Variants in PTPRE observed in about 807,000 individuals in gnomAD.
The protein encoded by PTPRE is receptor-type tyrosine-protein phosphatase epsilon.
PTPRE carries 51 observed loss-of-function variants against 102.0 expected under a neutral mutation model. The ratio of observed to expected loss-of-function variants is 0.50; its 90% confidence interval spans 0.40 to 0.63. The LOEUF is 0.63. Among genes scored for constraint, PTPRE ranks in the 30% least tolerant of loss-of-function variants. PTPRE has a pLI of 0.00. For synonymous variants in PTPRE, 345 were observed against 348.2 expected, an observed-to-expected ratio of 0.99 and a Z score of 0.10; for missense variants, 752 against 915.1, an observed-to-expected ratio of 0.82 and a Z score of 2.30.
chr10:128,065,981 TGG>T (rs1850052085), intron 10 of PTPRE, 92 bp from the exon 11 acceptor site: 37 of 1,560,942 alleles, frequency 2.4e-5, no homozygotes, highest in Non-Finnish European at 3.2e-5. Context: ...TGACTCCAGC[TGG>T]TGTGTGTGAG....
chr10:128,081,151 A>C (rs1162621334), intron 20 of PTPRE, among the ~76,000 whole-genome samples: 1 of 31,464 alleles, frequency 3.2e-5, no homozygotes, highest in South Asian at 1.2e-3. Flanking sequence ...GATTTTGGCA[A>C]AAAAAAAACA....
At chr10:127,963,445 G>A (rs1416945604) in intron 1 of PTPRE, among the ~76,000 whole-genome samples, 1 of 152,202 alleles carries the variant, frequency 6.6e-6, no homozygotes, top group East Asian at 1.9e-4. Flanking sequence ...TGGCTTCTGG[G>A]TGGATGCATC....
intron 1 of PTPRE, 91 bp from the exon 2 acceptor site, chr10:127,982,183 G>C: frequency 1.3e-6 from 1 of 757,350 alleles, no homozygotes; most frequent in South Asian, 1.6e-5. Context: ...TGGGATAGTC[G>C]ACTAGTGCTG....
intron 4 of PTPRE, 127 bp from the exon 5 acceptor site, chr10:128,047,637 C>T (rs756524907): frequency 1.5e-5 from 25 of 1,614,118 alleles, no homozygotes; most frequent in South Asian, 3.3e-5. Context: ...CAGGCCTTAG[C>T]GCGGCTCAGC....
chr10:127,974,432 TTTC>T (rs1361765058), intron 1 of PTPRE, among the ~76,000 whole-genome samples: 11 of 152,176 alleles, frequency 7.2e-5, no homozygotes, highest in African/African-American at 2.7e-4. Flanking sequence ...TCCTGGGAAT[TTTC>T]TTCTTGAGAA....
Position 128,077,753 on chromosome 10 carries a change from C to T in PTPRE, c.1862C>T (p.Thr621Ile), listed in dbSNP as rs1590249355. ...IAAVQKQQQQTGNHPITVHCS... is the reference protein window; with the variant it reads ...IAAVQKQQQQIGNHPITVHCS... ...GCCGTGCAGAAGCAGCAGCAGCAGA[C>T]AGGCAACCACCCCATCACCGTGCAC... The change falls in exon 19 of 21, where the codon ACA (threonine) becomes ATA (isoleucine). Residue 621 changes from threonine to isoleucine, a missense_variant. This residue lies in a region of PTPRE where 636 missense variants were observed against 824.4 expected (regional missense o/e 0.77). Coordinates refer to ENST00000254667, the MANE Select transcript of PTPRE (RefSeq NM_006504.6). The T allele has an allele frequency of 6.2e-7, 1 of 1,607,230 alleles. No individual in the cohort carries two copies. Among genetic ancestry groups the T allele is most frequent in the Non-Finnish European group, 8.5e-7 (1 of 1,174,390 alleles).
intron 11 of PTPRE, among the ~76,000 whole-genome samples, chr10:128,067,231 TGC>T (rs1457609316): frequency 6.4e-5 from 6 of 93,218 alleles, no homozygotes; most frequent in African/African-American, 2.6e-4. Flanking sequence ...TGCACACACA[TGC>T]ACACACGCAC....
At chr10:128,067,830 G>T (rs1341644898) in intron 11 of PTPRE, among the ~76,000 whole-genome samples, 2 of 152,212 alleles carry the variant, frequency 1.3e-5, no homozygotes, top group Non-Finnish European at 2.9e-5. Flanking sequence ...TTGCACGGGG[G>T]TCTGTGAGCA....
intron 2 of PTPRE, among the ~76,000 whole-genome samples, chr10:128,017,811 CAG>C (rs1311708972): frequency 1.3e-3 from 195 of 152,300 alleles, no homozygotes; most frequent in African/African-American, 4.6e-3. Flanking sequence ...TTAGAGGGGT[CAG>C]GCTGGAGGCT....
intron 7 of PTPRE, among the ~76,000 whole-genome samples, chr10:128,057,401 T>C (rs1849082417): frequency 6.6e-6 from 1 of 151,660 alleles, no homozygotes; most frequent in Admixed American, 6.6e-5. Flanking sequence ...ACAAAGGGAG[T>C]CCATCCCACC....
At chr10:128,038,045 C>T (rs1346804910) in intron 2 of PTPRE, among the ~76,000 whole-genome samples, 2 of 151,198 alleles carry the variant, frequency 1.3e-5, no homozygotes, top group African/African-American at 4.9e-5. Flanking sequence ...TTATGATCCA[C>T]CCGCCTCGGC....
intron 1 of PTPRE, chr10:127,936,062 A>AACC (rs1313588092): frequency 6.6e-6 from 1 of 152,160 alleles, no homozygotes; most frequent in Non-Finnish European, 1.5e-5. Context: ...GCATAGGAAA[A>AACC]ACCGTCTCTG....
chr10:127,987,185 G>C (rs1852164139), intron 2 of PTPRE: 1 of 365,742 alleles, frequency 2.7e-6, no homozygotes, highest in Non-Finnish European at 3.8e-6. Flanking sequence ...CTTTGTCACA[G>C]AGCAAAGGCA....
chr10:127,916,328 G>A (rs144984980), intron 1 of PTPRE, among the ~76,000 whole-genome samples: 23 of 152,152 alleles, frequency 1.5e-4, no homozygotes, highest in African/African-American at 3.1e-4. Context: ...TTTTATAAGG[G>A]GCTCTTCCCC....
intron 1 of PTPRE, among the ~76,000 whole-genome samples, chr10:127,955,935 A>G (rs1849370757): frequency 6.6e-6 from 1 of 152,174 alleles, no homozygotes; most frequent in Admixed American, 6.5e-5. Context: ...CTCACTCACT[A>G]TCATGAGAAC....
chr10:128,070,888 C>A lies in PTPRE; in HGVS notation c.1374C>A (p.Ile458=), dbSNP rs1850705188. ...CAAACATGAAGAAGGCCAGGGTCATCCAGATCATCCCGTGTAAGGCACCCG... is the reference window on the plus strand; with the variant it reads ...CAAACATGAAGAAGGCCAGGGTCATACAGATCATCCCGTGTAAGGCACCCG... ...LPANMKKARV[I]QIIPYDFNRV... Residue 458 remains isoleucine (I), a synonymous_variant, in exon 15 of 21, where the codon ATC becomes ATA. Coordinates refer to ENST00000254667, the MANE Select transcript of PTPRE (RefSeq NM_006504.6). The surrounding 1 kb of genome is among the most constrained non-coding windows in gnomAD (Gnocchi z 4.8). 6.2e-7 allele frequency: 1 copy of A among 1,613,782 alleles called. No homozygotes were observed. The highest frequency in any genetic ancestry group is 8.5e-7 in the Non-Finnish European group (1 of 1,179,768).
chr10:127,909,586 C>T (rs748773172), intron 1 of PTPRE, among the ~76,000 whole-genome samples: 6 of 152,208 alleles, frequency 3.9e-5, no homozygotes, highest in Non-Finnish European at 7.3e-5. Context: ...GTGATCTCCC[C>T]TCCCCTTCCA....
At chr10:127,934,457 C>T (rs144426764) in intron 1 of PTPRE, 64 of 152,328 alleles carry the variant, frequency 4.2e-4, no homozygotes, top group African/African-American at 1.5e-3. Flanking sequence ...TACCTCTCTA[C>T]ATGGGAAAAC....
At chr10:128,029,134 T>C (rs960851069) in intron 2 of PTPRE, among the ~76,000 whole-genome samples, 1 of 152,188 alleles carries the variant, frequency 6.6e-6, no homozygotes, top group Admixed American at 6.5e-5. Flanking sequence ...GCTGCTGTGC[T>C]GTGGTGCACG....
Sources: allele counts gnomAD v4.1 joint callset (sites outside exome capture counted in the v4.1 genomes callset), GRCh38; gene constraint gnomAD v4.1.1; regional missense constraint gnomAD v4.1.1; non-coding constraint Gnocchi (gnomAD v3.1); transcripts MANE v1.5; gene names NCBI Gene and HGNC (gene_info 2026-07-23, HGNC 2026-07-21).